Variants in LDB2 observed in about 807,000 individuals in gnomAD.
The protein encoded by LDB2 is LIM domain binding 2.
A neutral mutation model predicts 44.3 loss-of-function variants in LDB2; 12 were observed. That is an observed-to-expected ratio of 0.27 (90% CI 0.17 to 0.44). The LOEUF (loss-of-function observed/expected upper bound fraction) is 0.44. Among genes scored for constraint, LDB2 ranks in the 20% least tolerant of loss-of-function variants. LDB2 has a pLI of 1.00. For missense variants in LDB2, 344 were observed against 473.5 expected (o/e 0.73, Z 2.54); for synonymous variants, 164 against 174.8 (o/e 0.94, Z 0.49).
At chr4:16,690,187 C>A (rs1178528211) in intron 2 of LDB2, among the ~76,000 whole-genome samples, 1 of 152,042 alleles carries the variant, frequency 6.6e-6, no homozygotes, top group African/African-American at 2.4e-5. Flanking sequence ...CAATGCTACA[C>A]CAGCTATTGC....
intron 2 of LDB2, among the ~76,000 whole-genome samples, chr4:16,620,872 A>T (rs1191827254): frequency 6.6e-6 from 1 of 152,236 alleles, no homozygotes; most frequent in African/African-American, 2.4e-5. Flanking sequence ...CATGTTCTCC[A>T]GTAACTGTTT....
chr4:16,721,441 C>T lies in LDB2; in HGVS notation c.235+37717G>A, dbSNP rs990384881. Among the ~76,000 whole-genome samples, 9 of 152,068 alleles carry T rather than the reference C, an allele frequency of 5.9e-5. No individual in the cohort carries two copies. In the South Asian group the frequency reaches 6.2e-4, roughly 11 times the overall value. Reference sequence around the variant, plus strand: ...AGTATTCACTTCCTAGATAGAATTCCGGTTCTCCCTTTCACTTTTAATATC... The same window carrying T: ...AGTATTCACTTCCTAGATAGAATTCTGGTTCTCCCTTTCACTTTTAATATC... On this transcript the variant is annotated intron_variant, in intron 2 of 7. Transcript: ENST00000304523.
chr4:16,516,267 T>G (rs1017378737), intron 5 of LDB2, among the ~76,000 whole-genome samples: 1 of 152,240 alleles, frequency 6.6e-6, no homozygotes, highest in Non-Finnish European at 1.5e-5. Flanking sequence ...TCTTATATAC[T>G]GTTGTGAGAA....
At chr4:16,527,623 T>C (rs771096646) in intron 5 of LDB2, among the ~76,000 whole-genome samples, 27 of 152,180 alleles carry the variant, frequency 1.8e-4, no homozygotes, top group Non-Finnish European at 3.1e-4. Flanking sequence ...TGGACACGCA[T>C]GTTTAGACCA....
At chr4:16,835,720 T>C (rs1439330822) in intron 1 of LDB2, among the ~76,000 whole-genome samples, 3 of 152,260 alleles carry the variant, frequency 2.0e-5, no homozygotes, top group Non-Finnish European at 2.9e-5. Context: ...TCATCACCAA[T>C]TAATGAGAGT....
At chr4:16,682,974 G>C (rs1748332544) in intron 2 of LDB2, among the ~76,000 whole-genome samples, 1 of 152,150 alleles carries the variant, frequency 6.6e-6, no homozygotes, top group African/African-American at 2.4e-5. Flanking sequence ...ATGTAACTCT[G>C]GGACATGTCC....
At chr4:16,565,110 G>T (rs1744023009) in intron 5 of LDB2, among the ~76,000 whole-genome samples, 1 of 152,080 alleles carries the variant, frequency 6.6e-6, no homozygotes, top group African/African-American at 2.4e-5. Flanking sequence ...CTATCATGAC[G>T]AAATTAGTTT....
chr4:16,635,164 A>G (rs182260204), intron 2 of LDB2, among the ~76,000 whole-genome samples: 2 of 152,262 alleles, frequency 1.3e-5, no homozygotes, highest in East Asian at 3.9e-4. Flanking sequence ...AAGGGGAGGG[A>G]TAACATCAGG....
chr4:16,526,075 C>G (rs1010727653), intron 5 of LDB2, among the ~76,000 whole-genome samples: 1 of 152,154 alleles, frequency 6.6e-6, no homozygotes, highest in African/African-American at 2.4e-5. Flanking sequence ...ACCTAAAATC[C>G]TGGTAAAGTG....
intron 1 of LDB2, among the ~76,000 whole-genome samples, chr4:16,842,515 A>G (rs1488741142): frequency 6.6e-6 from 1 of 152,366 alleles, no homozygotes; most frequent in Admixed American, 6.5e-5. Flanking sequence ...AATGTGCTTT[A>G]AATTATTTAA....
chr4:16,762,313 A>G (rs1179719717), intron 1 of LDB2, among the ~76,000 whole-genome samples: 1 of 152,232 alleles, frequency 6.6e-6, no homozygotes, highest in African/African-American at 2.4e-5. Flanking sequence ...ACTGTTAAAA[A>G]TCTGAATGAA....
At chr4:16,604,586 A>G (rs1285907491) in intron 2 of LDB2, among the ~76,000 whole-genome samples, 2 of 151,218 alleles carry the variant, frequency 1.3e-5, no homozygotes, top group Admixed American at 6.6e-5. Flanking sequence ...TGAGGGAAGT[A>G]GCGAGCATTC....
chr4:16,637,713 T>C (rs1734001981), intron 2 of LDB2, among the ~76,000 whole-genome samples: 1 of 152,090 alleles, frequency 6.6e-6, no homozygotes, highest in Non-Finnish European at 1.5e-5. Flanking sequence ...AGAATGGAAA[T>C]AATGTGGCAG....
At chr4:16,710,313 A>G (rs1039558493) in intron 2 of LDB2, among the ~76,000 whole-genome samples, 1 of 152,208 alleles carries the variant, frequency 6.6e-6, no homozygotes, top group Non-Finnish European at 1.5e-5. Context: ...CCATGAATAC[A>G]TACAGTCTGA....
intron 1 of LDB2, among the ~76,000 whole-genome samples, chr4:16,846,684 C>T (rs1439123405): frequency 6.6e-6 from 1 of 152,102 alleles, no homozygotes; most frequent in African/African-American, 2.4e-5. Context: ...AGGGGAGATG[C>T]CACATTTGCA....
rs567974937 is a variant in LDB2, at chr4:16,664,993, C to A, written c.236-69118G>T. Among the ~76,000 whole-genome samples the A allele has an allele frequency of 3.3e-5, 5 of 152,324 alleles. No homozygotes were observed. The South Asian group carries it at 1.0e-3, about 32-fold the overall frequency. On this transcript the variant is annotated intron_variant, in intron 2 of 7. Transcript: ENST00000304523. ...TAGGGTCTCCACTTTAAATATTTGC[C>A]AGGCCCAGATAATACAAAGCCACTC...
In LDB2 at chr4:16,645,965, G is replaced by A. The variant is rs1246894042; in HGVS notation, c.236-50090C>T. 3.9e-5 allele frequency among the ~76,000 whole-genome samples: 6 copies of A among 152,322 alleles called. No individual in the cohort carries two copies. The East Asian group carries it at 1.2e-3, about 29-fold the overall frequency. On this transcript the variant is annotated intron_variant, in intron 2 of 7. Coordinates refer to ENST00000304523, the MANE Select transcript of LDB2 (RefSeq NM_001290.5). ...TCCGAGTGGCCTCAGAAAGTGGAGA[G>A]CACCCACTCTGGGGCTAGAATCTCT...
At chr4:16,811,204 T>C (rs1465860981) in intron 1 of LDB2, among the ~76,000 whole-genome samples, 2 of 152,220 alleles carry the variant, frequency 1.3e-5, no homozygotes, top group Non-Finnish European at 2.9e-5. Flanking sequence ...ACACTGTACC[T>C]TCAGGGTATC....
At chr4:16,841,509 A>G (rs563867860) in intron 1 of LDB2, among the ~76,000 whole-genome samples, 6 of 152,348 alleles carry the variant, frequency 3.9e-5, no homozygotes, top group African/African-American at 1.4e-4. Context: ...TCACATGTGA[A>G]TAAGATTCTA....
Sources: allele counts gnomAD v4.1 joint callset (sites outside exome capture counted in the v4.1 genomes callset), GRCh38; gene constraint gnomAD v4.1.1; transcripts MANE v1.5; gene names NCBI Gene and HGNC (gene_info 2026-07-23, HGNC 2026-07-21).